The following LRMDA variants were observed in gnomAD, a reference collection of about 807,000 sequenced individuals.
LRMDA encodes leucine rich melanocyte differentiation associated, also known as leucine-rich melanocyte differentiation-associated protein.
LRMDA carries 18 observed loss-of-function variants against 29.8 expected under a neutral mutation model. The ratio of observed to expected loss-of-function variants is 0.60; its 90% CI spans 0.42 to 0.90. The LOEUF (loss-of-function observed/expected upper bound fraction) is 0.90. LRMDA is among the 40% of genes least tolerant of loss of function. LRMDA has a pLI of 0.00. For missense variants in LRMDA, 273 were observed against 273.9 expected (o/e 1.00, Z 0.02); for synonymous variants, 125 against 109.4 (o/e 1.14, Z -0.89).
chr10:76,532,810 A>G (rs1327064898), intron 6 of LRMDA, among the ~76,000 whole-genome samples: 2 of 152,152 alleles, frequency 1.3e-5, no homozygotes, highest in African/African-American at 2.4e-5. Flanking sequence ...TTAGGAATGC[A>G]TTGTTTTCTT....
At chr10:75,566,376 C>T (rs1589187577) in intron 2 of LRMDA, among the ~76,000 whole-genome samples, 1 of 152,200 alleles carries the variant, frequency 6.6e-6, no homozygotes, top group Non-Finnish European at 1.5e-5. Context: ...ATGGGTATCT[C>T]ATGGGAACTT....
intron 5 of LRMDA, among the ~76,000 whole-genome samples, chr10:76,088,814 C>G (rs1248316952): frequency 1.3e-5 from 2 of 152,094 alleles, no homozygotes; most frequent in African/African-American, 4.8e-5. Context: ...CTTCTTCTTC[C>G]CATATTCTAG....
intron 3 of LRMDA, among the ~76,000 whole-genome samples, chr10:76,046,061 T>C (rs1176758346): frequency 6.6e-6 from 1 of 152,210 alleles, no homozygotes; most frequent in African/African-American, 2.4e-5. Context: ...GCATTTCTTC[T>C]ACCCTTGTAT....
chr10:75,997,886 T>C (rs1004134916), intron 2 of LRMDA, among the ~76,000 whole-genome samples: 4 of 152,230 alleles, frequency 2.6e-5, no homozygotes, highest in African/African-American at 9.6e-5. Context: ...TCTGGGCTTT[T>C]CCTCTCCCCC....
At chr10:76,009,490 C>T (rs1847734374) in intron 2 of LRMDA, among the ~76,000 whole-genome samples, 1 of 152,164 alleles carries the variant, frequency 6.6e-6, no homozygotes, top group Non-Finnish European at 1.5e-5. Context: ...TTTGTTGGCT[C>T]TCTCCTTGCC....
intron 2 of LRMDA, among the ~76,000 whole-genome samples, chr10:75,849,967 T>C (rs1314786766): frequency 6.6e-6 from 1 of 152,204 alleles, no homozygotes; most frequent in Non-Finnish European, 1.5e-5. Context: ...CTGAGTGTTT[T>C]TTTACTTGTG....
chr10:75,498,765 G>A (rs1564786462), intron 2 of LRMDA, among the ~76,000 whole-genome samples: 2 of 152,130 alleles, frequency 1.3e-5, no homozygotes, highest in African/African-American at 4.8e-5. Flanking sequence ...AGAGGAATTA[G>A]CACAGGGTGA....
chr10:75,939,661 C>T (rs866624803), intron 2 of LRMDA, among the ~76,000 whole-genome samples: 3 of 152,098 alleles, frequency 2.0e-5, no homozygotes, highest in Non-Finnish European at 2.9e-5. Flanking sequence ...CCTAGGAGTT[C>T]GCAGCTTTTC....
intron 6 of LRMDA, among the ~76,000 whole-genome samples, chr10:76,431,193 T>G (rs1191798561): frequency 6.6e-6 from 1 of 152,206 alleles, no homozygotes; most frequent in Admixed American, 6.5e-5. Context: ...TTCTGAATGC[T>G]TTAAGTAGAG....
rs138099793 is a variant in LRMDA, at chr10:76,316,615, C to T, written c.517-7786C>T. 9.8e-5 allele frequency among the ~76,000 whole-genome samples: 15 copies of T among 152,302 alleles called. No homozygotes were observed. In the East Asian group the frequency reaches 2.7e-3, roughly 27 times the overall value. ...CACCCTAAGGATCCTGTGACACTTGCATTATAAGGCTATTGAGAGGGTTAA... is the reference window on the plus strand; with the variant it reads ...CACCCTAAGGATCCTGTGACACTTGTATTATAAGGCTATTGAGAGGGTTAA... On this transcript the variant is annotated intron_variant, in intron 5 of 6. Coordinates refer to ENST00000611255, the MANE Select transcript of LRMDA (RefSeq NM_001305581.2).
At chr10:75,982,418 A>G (rs1022417599) in intron 2 of LRMDA, among the ~76,000 whole-genome samples, 5 of 152,184 alleles carry the variant, frequency 3.3e-5, no homozygotes, top group African/African-American at 1.2e-4. Context: ...TGGGTTACTC[A>G]CATTCTCTGG....
At chr10:76,016,673 G>A (rs1437856023) in intron 2 of LRMDA, among the ~76,000 whole-genome samples, 1 of 152,226 alleles carries the variant, frequency 6.6e-6, no homozygotes, top group African/African-American at 2.4e-5. Flanking sequence ...TTCAGAGAAT[G>A]AAGATGGATT....
intron 6 of LRMDA, among the ~76,000 whole-genome samples, chr10:76,539,023 A>G (rs542897958): frequency 6.3e-4 from 96 of 152,202 alleles, no homozygotes; most frequent in African/African-American, 2.3e-3. Context: ...CTGAAATTCC[A>G]TTAGAGATTT....
chr10:76,433,304 T>C (rs1842210616), intron 6 of LRMDA, among the ~76,000 whole-genome samples: 1 of 152,140 alleles, frequency 6.6e-6, no homozygotes, highest in Admixed American at 6.5e-5. Flanking sequence ...TGTCAAATCA[T>C]TGTCAGGTGG....
At chr10:76,553,292 GTGT>G (rs574218710) in intron 6 of LRMDA, among the ~76,000 whole-genome samples, 17 of 152,334 alleles carry the variant, frequency 1.1e-4, no homozygotes, top group Admixed American at 9.8e-4. Context: ...GCCATTAAAT[GTGT>G]TGTTCCCCCT....
chr10:75,842,680 ATG>A (rs1487664793), intron 2 of LRMDA, among the ~76,000 whole-genome samples: 1 of 152,170 alleles, frequency 6.6e-6, no homozygotes, highest in African/African-American at 2.4e-5. Flanking sequence ...GCGTGTTTGT[ATG>A]TGTGTACATG....
intron 2 of LRMDA, among the ~76,000 whole-genome samples, chr10:75,816,332 C>T (rs1844059845): frequency 6.6e-6 from 1 of 152,130 alleles, no homozygotes; most frequent in South Asian, 2.1e-4. Context: ...AGGACTAGAG[C>T]TGCCCTTTGG....
chr10:76,544,473 C>T (rs2132388277), intron 6 of LRMDA, among the ~76,000 whole-genome samples: 1 of 152,172 alleles, frequency 6.6e-6, no homozygotes, highest in East Asian at 1.9e-4. Context: ...AAAAACACAC[C>T]CATCTTAATA....
At chr10:75,670,403 T>C (rs1371743489) in intron 2 of LRMDA, among the ~76,000 whole-genome samples, 1 of 152,156 alleles carries the variant, frequency 6.6e-6, no homozygotes, top group Non-Finnish European at 1.5e-5. Flanking sequence ...TTAAATACTC[T>C]AAAAGTAAAT....
Sources: gnomAD v4.1 joint callset for allele counts (sites outside exome capture counted in the v4.1 genomes callset) on GRCh38, gnomAD v4.1.1 for gene constraint, MANE v1.5 for transcripts, NCBI Gene and HGNC (gene_info 2026-07-23, HGNC 2026-07-21) for gene names.